The following CTNNA3 variants were observed in gnomAD, a reference collection of about 807,000 sequenced individuals.
The protein encoded by CTNNA3 is catenin alpha 3.
CTNNA3 carries 76 observed loss-of-function variants against 95.7 expected under a neutral mutation model. That is an observed-to-expected ratio of 0.79 (90% confidence interval 0.66 to 0.96). CTNNA3 has a LOEUF of 0.96. Ranked by LOEUF, CTNNA3 falls within the 40% of genes least tolerant of loss-of-function variation. CTNNA3 has a pLI of 0.00. For synonymous variants in CTNNA3, 431 were observed against 374.4 expected, an observed-to-expected ratio of 1.15 and a Z score of -1.74; for missense variants, 1,191 against 1,089.8, an observed-to-expected ratio of 1.09 and a Z score of -1.31.
Position 67,467,358 on chromosome 10 carries a change from ATAT to A in CTNNA3, c.579+54481_579+54483del, listed in dbSNP as rs1311305894. ...GCTCAATAACCACACTAAATTTGAA[ATAT>A]TATGATATTAGCCCTACATAAGTTT... On this transcript the variant is annotated intron_variant, in intron 5 of 17. Coordinates refer to ENST00000433211, the MANE Select transcript of CTNNA3 (RefSeq NM_013266.4). Among the ~76,000 whole-genome samples the A allele has an allele frequency of 2.6e-5, 4 of 152,310 alleles. No homozygotes were observed. The East Asian group carries it at 7.7e-4, about 29-fold the overall frequency.
At chr10:67,433,262 G>C (rs905979201) in intron 5 of CTNNA3, among the ~76,000 whole-genome samples, 2 of 151,958 alleles carry the variant, frequency 1.3e-5, no homozygotes, top group African/African-American at 2.4e-5. Context: ...GGAAAGGCTG[G>C]TTAGTAGAGC....
At chr10:67,168,084 C>A (rs1041463453) in intron 7 of CTNNA3, among the ~76,000 whole-genome samples, 8 of 152,058 alleles carry the variant, frequency 5.3e-5, no homozygotes, top group Non-Finnish European at 8.8e-5. Context: ...TGCAGTGAGC[C>A]GAGATGGCGT....
intron 5 of CTNNA3, among the ~76,000 whole-genome samples, chr10:67,220,583 G>A (rs1438559580): frequency 6.6e-6 from 1 of 152,080 alleles, no homozygotes; most frequent in East Asian, 1.9e-4. Context: ...AAACACAAAA[G>A]TGAAGTGTCA....
intron 12 of CTNNA3, among the ~76,000 whole-genome samples, chr10:66,349,073 T>C (rs979822604): frequency 6.6e-6 from 1 of 152,108 alleles, no homozygotes; most frequent in African/African-American, 2.4e-5. Context: ...TGTTCGTTAC[T>C]TCACAATTCG....
In CTNNA3 at chr10:65,915,787, C is replaced by G. The variant is rs958350139; in HGVS notation, c.*4543G>C. The stretch of plus-strand genomic sequence containing the variant: ...CTGTTAGGGGGAAAATATTCACATG[C>G]AAGAAGACTAGTGTTTTAAACTATT... On this transcript the variant is annotated 3_prime_UTR_variant, in exon 18 of 18. Coordinates refer to ENST00000433211, the MANE Select transcript of CTNNA3 (RefSeq NM_013266.4). 12 of 152,082 alleles carry G rather than the reference C, an allele frequency of 7.9e-5. No individual in the cohort carries two copies. The highest frequency in any genetic ancestry group is 6.6e-5 in the Admixed American group (1 of 15,250). The allele number at this position is 152,082 out of a possible 1,614,324, so 9.4% of individuals were successfully genotyped here.
At chr10:65,979,649 T>G (rs2078279139) in intron 16 of CTNNA3, among the ~76,000 whole-genome samples, 1 of 152,088 alleles carries the variant, frequency 6.6e-6, no homozygotes, top group African/African-American at 2.4e-5. Context: ...AACACTTTAT[T>G]TTTTGGTTAC....
Position 67,112,501 on chromosome 10 carries a change from T to C in CTNNA3, c.1047+67816A>G, listed in dbSNP as rs535537929. Among the ~76,000 whole-genome samples, 7 of 152,318 alleles carry C rather than the reference T, an allele frequency of 4.6e-5. No individual in the cohort carries two copies. In the East Asian group the frequency reaches 5.8e-4, roughly 13 times the overall value. On this transcript the variant is annotated intron_variant, in intron 7 of 17. Transcript: ENST00000433211. ...TTATTTAGTCAAGTTTACCTTGTTTTCCTTCTGAGATAAAGGTAAGCAGAA... is the reference window on the plus strand; with the variant it reads ...TTATTTAGTCAAGTTTACCTTGTTTCCCTTCTGAGATAAAGGTAAGCAGAA...
intron 11 of CTNNA3, among the ~76,000 whole-genome samples, chr10:66,471,686 T>C (rs1345155612): frequency 1.3e-5 from 2 of 151,784 alleles, no homozygotes; most frequent in Non-Finnish European, 1.5e-5. Flanking sequence ...ACATCACATA[T>C]AAAGGTCGGC....
Position 67,647,483 on chromosome 10 carries a change from T to A in CTNNA3, c.31A>T (p.Ile11Phe). The A allele has an allele frequency of 1.2e-6, 2 of 1,613,482 alleles. No homozygotes were observed. The highest frequency in any genetic ancestry group is 2.2e-5 in the South Asian group (2 of 91,038). ...TGGACCTGCAGATCCTGAGGATCGA[T>A]ATTCAATGTGATTGGTGTTTCAGCT... MSAETPITLN[I>F]DPQDLQVQTF... The change falls in exon 2 of 18, where the codon ATC (isoleucine) becomes TTC (phenylalanine). Residue 11 changes from isoleucine (I) to phenylalanine (F), a missense_variant. Ile to Phe is a conservative substitution (Grantham distance 21, BLOSUM62 0). Coordinates refer to ENST00000433211, the MANE Select transcript of CTNNA3 (RefSeq NM_013266.4).
chr10:65,975,607 G>A (rs1480278516), intron 16 of CTNNA3, among the ~76,000 whole-genome samples: 1 of 152,064 alleles, frequency 6.6e-6, no homozygotes, highest in East Asian at 1.9e-4. Context: ...TCATCTCTTT[G>A]TTTTCTCTTG....
At chr10:66,374,605 C>T (rs113822044) in intron 12 of CTNNA3, among the ~76,000 whole-genome samples, 1,605 of 113,352 alleles carry the variant, frequency 0.014, 25 homozygotes, top group East Asian at 0.055. Flanking sequence ...GAAAGAAAAG[C>T]CTTTTTTTTT....
chr10:67,250,613 T>G (rs1251953247), intron 5 of CTNNA3, among the ~76,000 whole-genome samples: 1 of 152,196 alleles, frequency 6.6e-6, no homozygotes, highest in Non-Finnish European at 1.5e-5. Context: ...ATCCCTCATG[T>G]ATACAGAGGG....
chr10:66,364,115 T>C (rs2092695214), intron 12 of CTNNA3, among the ~76,000 whole-genome samples: 1 of 151,744 alleles, frequency 6.6e-6, no homozygotes, highest in Admixed American at 6.6e-5. Context: ...AATTGCTTAG[T>C]CTTTATGTAC....
intron 7 of CTNNA3, among the ~76,000 whole-genome samples, chr10:67,142,544 C>A (rs1860618779): frequency 6.6e-6 from 1 of 152,012 alleles, no homozygotes; most frequent in African/African-American, 2.4e-5. Flanking sequence ...TTTTGGTTTC[C>A]CAGTGCATGT....
chr10:67,416,716 T>C (rs1845560890), intron 5 of CTNNA3, among the ~76,000 whole-genome samples: 1 of 149,694 alleles, frequency 6.7e-6, no homozygotes, highest in African/African-American at 2.5e-5. Context: ...CACATCACTA[T>C]CAGAGAAATG....
chr10:66,841,570 A>C (rs1345493585), intron 7 of CTNNA3, among the ~76,000 whole-genome samples: 1 of 152,208 alleles, frequency 6.6e-6, no homozygotes, highest in Non-Finnish European at 1.5e-5. Flanking sequence ...TAAAAATAGC[A>C]TTAGGTAGTC....
At position 66,153,365 on chromosome 10, in the gene CTNNA3, T is replaced by C. The variant is rs568077642; in HGVS notation, c.1885-50116A>G. 2.0e-5 allele frequency among the ~76,000 whole-genome samples: 3 copies of C among 152,096 alleles called. 1 individual carries two copies. The South Asian group carries it at 6.2e-4, about 32-fold the overall frequency. ...GCCAGTCTGTATTGTATCCAAGTCATTATTTCTGCATTCTCTAATATTCCT... is the reference window on the plus strand; with the variant it reads ...GCCAGTCTGTATTGTATCCAAGTCACTATTTCTGCATTCTCTAATATTCCT... On this transcript the variant is annotated intron_variant, in intron 13 of 17. Coordinates refer to ENST00000433211, the MANE Select transcript of CTNNA3 (RefSeq NM_013266.4).
chr10:66,741,793 C>T (rs1295513327), intron 9 of CTNNA3, among the ~76,000 whole-genome samples: 1 of 152,196 alleles, frequency 6.6e-6, no homozygotes, highest in African/African-American at 2.4e-5. Context: ...AATCTCTGAA[C>T]ATAAATTGTG....
At chr10:65,980,270 A>T (rs2078291210) in intron 16 of CTNNA3, among the ~76,000 whole-genome samples, 4 of 152,022 alleles carry the variant, frequency 2.6e-5, no homozygotes, top group Admixed American at 2.0e-4. Flanking sequence ...CTTAGATTAA[A>T]CCAGGAAGAC....
Sources: gnomAD v4.1 joint callset for allele counts (sites outside exome capture counted in the v4.1 genomes callset) on GRCh38, gnomAD v4.1.1 for gene constraint, MANE v1.5 for transcripts, NCBI Gene and HGNC (gene_info 2026-07-23, HGNC 2026-07-21) for gene names.